DCC: variants seen among roughly 807,000 people sequenced by gnomAD.
The protein encoded by DCC is DCC netrin 1 receptor.
DCC carries 58 observed loss-of-function variants against 172.5 expected under a neutral mutation model. The ratio of observed to expected loss-of-function variants is 0.34; its 90% CI spans 0.27 to 0.42. The LOEUF is 0.42. Ranked by LOEUF, DCC falls within the 10% of genes least tolerant of loss-of-function variation. The pLI is 1.00. For synonymous variants in DCC, 709 were observed against 644.5 expected, an observed-to-expected ratio of 1.10 and a Z score of -1.52; for missense variants, 1,740 against 1,791.0, an observed-to-expected ratio of 0.97 and a Z score of 0.51.
intron 12 of DCC, among the ~76,000 whole-genome samples, chr18:53,264,402 G>A (rs541871820): frequency 6.7e-6 from 1 of 149,328 alleles, no homozygotes; most frequent in South Asian, 2.1e-4. Flanking sequence ...CTTGAAACCA[G>A]AAGGTGGAGG....
chr18:52,609,295 A>G (rs535692293), intron 1 of DCC, among the ~76,000 whole-genome samples: 1 of 152,270 alleles, frequency 6.6e-6, no homozygotes, highest in African/African-American at 2.4e-5. Context: ...CGATTTATCT[A>G]AGGGGGAAAT....
At chr18:52,343,642 TA>T (rs1983753021) in intron 1 of DCC, among the ~76,000 whole-genome samples, 2 of 152,334 alleles carry the variant, frequency 1.3e-5, no homozygotes, top group South Asian at 4.1e-4. Context: ...GGATCTCAGA[TA>T]AGATAACAAT....
chr18:52,920,435 A>G (rs1281648455), intron 3 of DCC, among the ~76,000 whole-genome samples: 1 of 152,148 alleles, frequency 6.6e-6, no homozygotes, highest in Non-Finnish European at 1.5e-5. Context: ...GAGAGTAAAC[A>G]TAAGAATATG....
intron 1 of DCC, among the ~76,000 whole-genome samples, chr18:52,468,136 A>C (rs1988840837): frequency 6.6e-6 from 1 of 152,198 alleles, no homozygotes; most frequent in Admixed American, 6.5e-5. Flanking sequence ...TACAGATATG[A>C]GGAAGAAAAG....
intron 9 of DCC, among the ~76,000 whole-genome samples, chr18:53,196,751 G>A (rs958867620): frequency 1.1e-4 from 17 of 151,994 alleles, no homozygotes; most frequent in South Asian, 2.1e-4. Flanking sequence ...ACGTAATGGC[G>A]CAGTTTAGAA....
chr18:52,953,383 C>G (rs1032161282), intron 5 of DCC, among the ~76,000 whole-genome samples: 1 of 152,194 alleles, frequency 6.6e-6, no homozygotes, highest in Non-Finnish European at 1.5e-5. Flanking sequence ...GATGTCTTCT[C>G]CAGGGCTTTC....
intron 1 of DCC, among the ~76,000 whole-genome samples, chr18:52,522,416 C>T (rs2031848599): frequency 6.6e-6 from 1 of 152,162 alleles, no homozygotes; most frequent in Admixed American, 6.5e-5. Context: ...ACACCAAATT[C>T]TCAATGAGAC....
intron 1 of DCC, among the ~76,000 whole-genome samples, chr18:52,528,639 C>T (rs1598889856): frequency 6.6e-6 from 1 of 151,982 alleles, no homozygotes; most frequent in Admixed American, 6.5e-5. Flanking sequence ...GGCTGATCCT[C>T]ACCCTAAGGT....
chr18:52,829,799 G>A (rs2038580704), intron 2 of DCC, among the ~76,000 whole-genome samples: 1 of 152,066 alleles, frequency 6.6e-6, no homozygotes, highest in Non-Finnish European at 1.5e-5. Flanking sequence ...ACCTTTATGG[G>A]CTTTTATTAT....
At chr18:53,377,973 AATTT>A (rs2144973546) in intron 15 of DCC, among the ~76,000 whole-genome samples, 1 of 152,088 alleles carries the variant, frequency 6.6e-6, no homozygotes, top group African/African-American at 2.4e-5. Flanking sequence ...TTAATTAATT[AATTT>A]ATTTTTTTAA....
At chr18:53,261,631 C>T (rs900412272) in intron 12 of DCC, among the ~76,000 whole-genome samples, 12 of 152,122 alleles carry the variant, frequency 7.9e-5, no homozygotes, top group African/African-American at 2.9e-4. Context: ...CTGCCTCAGC[C>T]TCTCCGAGTA....
chr18:52,686,593 A>G (rs1341476243), intron 1 of DCC, among the ~76,000 whole-genome samples: 1 of 152,122 alleles, frequency 6.6e-6, no homozygotes, highest in Non-Finnish European at 1.5e-5. Context: ...ATCACCATCC[A>G]TAAGATTCAG....
intron 1 of DCC, among the ~76,000 whole-genome samples, chr18:52,675,974 T>C (rs1009005624): frequency 1.3e-5 from 2 of 152,246 alleles, no homozygotes; most frequent in Non-Finnish European, 2.9e-5. Context: ...TTCTTGGTGT[T>C]AGTTTAATTA....
intron 1 of DCC, among the ~76,000 whole-genome samples, chr18:52,627,506 AT>A (rs1391618752): frequency 6.6e-6 from 1 of 152,242 alleles, no homozygotes; most frequent in Admixed American, 6.5e-5. Context: ...GTGTGATTTT[AT>A]GATGCGTTGT....
intron 7 of DCC, among the ~76,000 whole-genome samples, chr18:53,133,513 T>C (rs1051008746): frequency 1.3e-5 from 2 of 152,176 alleles, no homozygotes; most frequent in African/African-American, 4.8e-5. Flanking sequence ...CACATGTGTG[T>C]TTTATTCCTT....
intron 1 of DCC, among the ~76,000 whole-genome samples, chr18:52,549,045 G>A (rs932031148): frequency 2.6e-5 from 4 of 151,944 alleles, no homozygotes; most frequent in Non-Finnish European, 5.9e-5. Flanking sequence ...GTGATTAGAG[G>A]AGATTAAGAT....
rs189160675 is a variant in DCC at position 53,317,560 on chromosome 18, G to A, written c.2054-4487G>A. Among the ~76,000 whole-genome samples, 9 of 152,294 alleles carry A rather than the reference G, an allele frequency of 5.9e-5. No homozygotes were observed. In the East Asian group the frequency reaches 1.7e-3, roughly 29 times the overall value. On this transcript the variant is annotated intron_variant, in intron 13 of 28. Transcript: ENST00000442544. ...GATGGTTTCAGAAGGAATGGTGCCA[G>A]CTCATCGTTTTACCTGTGGTAGAAT...
intron 12 of DCC, among the ~76,000 whole-genome samples, chr18:53,264,354 GC>G (rs2056642882): frequency 1.3e-5 from 2 of 152,012 alleles, no homozygotes; most frequent in East Asian, 3.9e-4. Flanking sequence ...AGACGTGGTG[GC>G]GGCTGCGTGT....
At chr18:53,126,818 C>T (rs959397521) in intron 7 of DCC, among the ~76,000 whole-genome samples, 5 of 152,088 alleles carry the variant, frequency 3.3e-5, no homozygotes, top group East Asian at 3.9e-4. Context: ...AATTCTGACA[C>T]GTAGAAATTA....
Sources: gnomAD v4.1 joint callset for allele counts (sites outside exome capture counted in the v4.1 genomes callset) on GRCh38, gnomAD v4.1.1 for gene constraint, MANE v1.5 for transcripts, NCBI Gene and HGNC (gene_info 2026-07-23, HGNC 2026-07-21) for gene names.